Variants in KCTD16 observed in about 807,000 individuals in gnomAD.
KCTD16 encodes BTB/POZ domain-containing protein KCTD16.
A neutral mutation model predicts 33.2 loss-of-function variants in KCTD16; 13 were observed. The ratio of observed to expected loss-of-function variants is 0.39; its 90% CI spans 0.25 to 0.62. KCTD16 has a LOEUF of 0.62. KCTD16 is among the 20% of genes least tolerant of loss of function. The probability of loss-of-function intolerance (pLI) is 0.50; values close to 1 mark genes in which losing one functional copy is unlikely to be tolerated. For synonymous variants in KCTD16, 197 were observed against 195.3 expected (o/e 1.01, Z -0.07); for missense variants, 441 against 525.1 (o/e 0.84, Z 1.57).
At chr5:144,439,273 T>C in intron 3 of KCTD16, 2 of 390,138 alleles carry the variant, frequency 5.1e-6, no homozygotes, top group South Asian at 5.3e-5. Flanking sequence ...TGGCATGTCA[T>C]GTTGCCCAAG....
chr5:144,210,641 A>G (rs1753356323), intron 3 of KCTD16, among the ~76,000 whole-genome samples: 1 of 152,172 alleles, frequency 6.6e-6, no homozygotes. Context: ...GTAATCTGCA[A>G]AAGACAAGTC....
intron 3 of KCTD16, among the ~76,000 whole-genome samples, chr5:144,335,647 G>T (rs73295881): frequency 0.022 from 3,365 of 152,280 alleles, 133 homozygotes; most frequent in African/African-American, 0.076. Context: ...TCCAGGGAAG[G>T]CTCCACAGGA....
intron 2 of KCTD16, among the ~76,000 whole-genome samples, chr5:144,204,830 A>G (rs1217347572): frequency 6.6e-6 from 1 of 152,026 alleles, no homozygotes; most frequent in Admixed American, 6.6e-5. Context: ...GATGAAATAG[A>G]AAAGGAAAAA....
At chr5:144,431,277 A>G in intron 3 of KCTD16, among the ~76,000 whole-genome samples, 1 of 152,196 alleles carries the variant, frequency 6.6e-6, no homozygotes, top group South Asian at 2.1e-4. Flanking sequence ...CTTCTTTTTT[A>G]AATAACTGAT....
intron 3 of KCTD16, among the ~76,000 whole-genome samples, chr5:144,345,783 A>G (rs1344012170): frequency 6.6e-6 from 1 of 152,160 alleles, no homozygotes; most frequent in Non-Finnish European, 1.5e-5. Flanking sequence ...CAGGCATGCA[A>G]TGTGAAATAG....
chr5:144,245,151 G>A (rs1273800601), intron 3 of KCTD16, among the ~76,000 whole-genome samples: 1 of 152,090 alleles, frequency 6.6e-6, no homozygotes, highest in Non-Finnish European at 1.5e-5. Context: ...CTATTGTGCT[G>A]GGTGATGAGG....
chr5:144,358,578 A>G (rs1751628088), intron 3 of KCTD16, among the ~76,000 whole-genome samples: 1 of 152,190 alleles, frequency 6.6e-6, no homozygotes, highest in African/African-American at 2.4e-5. Context: ...CCTCTTCCCC[A>G]TTGGCCCTGT....
intron 3 of KCTD16, among the ~76,000 whole-genome samples, chr5:144,272,110 A>G (rs1278303979): frequency 6.6e-6 from 1 of 152,180 alleles, no homozygotes; most frequent in Non-Finnish European, 1.5e-5. Flanking sequence ...ATTGAATGCA[A>G]TGACTATCAA....
chr5:144,469,116 G>A (rs1287331507), intron 3 of KCTD16, among the ~76,000 whole-genome samples: 5 of 152,170 alleles, frequency 3.3e-5, no homozygotes, highest in Admixed American at 2.6e-4. Context: ...GCCTCTCCCT[G>A]TTTAATCCAA....
chr5:144,268,093 T>A (rs955134633), intron 3 of KCTD16, among the ~76,000 whole-genome samples: 1 of 152,192 alleles, frequency 6.6e-6, no homozygotes, highest in Non-Finnish European at 1.5e-5. Context: ...CTGGTTAATT[T>A]TAGTTAATTT....
intron 3 of KCTD16, among the ~76,000 whole-genome samples, chr5:144,327,675 AC>A (rs1752247698): frequency 6.6e-6 from 1 of 152,172 alleles, no homozygotes; most frequent in South Asian, 2.1e-4. Flanking sequence ...TAAAAAAATG[AC>A]CCACAAAAAA....
intron 3 of KCTD16, among the ~76,000 whole-genome samples, chr5:144,462,642 T>C (rs1180751881): frequency 1.3e-5 from 2 of 151,710 alleles, no homozygotes; most frequent in Non-Finnish European, 2.9e-5. Flanking sequence ...TATTACCCAG[T>C]AACAATTACA....
At chr5:144,421,859 AT>A (rs1208699314) in intron 3 of KCTD16, among the ~76,000 whole-genome samples, 1 of 152,164 alleles carries the variant, frequency 6.6e-6, no homozygotes, top group Non-Finnish European at 1.5e-5. Flanking sequence ...GGAGAGTCTA[AT>A]GCCATCCAAA....
chr5:144,276,804 G>A (rs764447822), intron 3 of KCTD16, among the ~76,000 whole-genome samples: 45 of 151,598 alleles, frequency 3.0e-4, no homozygotes, highest in Non-Finnish European at 4.4e-4. Flanking sequence ...TCGGGAGGCT[G>A]AGTCATGAGA....
intron 3 of KCTD16, among the ~76,000 whole-genome samples, chr5:144,260,742 T>TG (rs1554083566): frequency 2.0e-4 from 31 of 152,124 alleles, no homozygotes; most frequent in Admixed American, 1.0e-3. Context: ...GCCTGTTTTT[T>TG]TTGTTGTTGT....
chr5:144,376,395 T>G (rs1005831161), intron 3 of KCTD16, among the ~76,000 whole-genome samples: 1 of 152,152 alleles, frequency 6.6e-6, no homozygotes, highest in African/African-American at 2.4e-5. Flanking sequence ...AATTCCTTTG[T>G]AGAGAGAGAT....
At chr5:144,296,067 G>A (rs897405879) in intron 3 of KCTD16, among the ~76,000 whole-genome samples, 2 of 152,092 alleles carry the variant, frequency 1.3e-5, no homozygotes, top group Non-Finnish European at 2.9e-5. Context: ...ACTAACATAG[G>A]GACAAACTCC....
intron 3 of KCTD16, chr5:144,439,377 A>T (rs1322295481): frequency 3.9e-6 from 2 of 517,224 alleles, no homozygotes; most frequent in Non-Finnish European, 7.6e-6. Context: ...GAATCTTGGC[A>T]TTCAGCAGAG....
At chr5:144,234,624 C>A (rs1401735259) in intron 3 of KCTD16, among the ~76,000 whole-genome samples, 2 of 151,988 alleles carry the variant, frequency 1.3e-5, no homozygotes, top group Admixed American at 1.3e-4. Flanking sequence ...AATCACGGGA[C>A]AAACTGAGTC....
Sources: allele counts gnomAD v4.1 joint callset (sites outside exome capture counted in the v4.1 genomes callset), GRCh38; gene constraint gnomAD v4.1.1; transcripts MANE v1.5; gene names NCBI Gene and HGNC (gene_info 2026-07-23, HGNC 2026-07-21).